CDC42BPG: variants seen among roughly 807,000 people sequenced by gnomAD.
The protein encoded by CDC42BPG is CDC42 binding protein kinase gamma.
In CDC42BPG, 157 loss-of-function variants were observed where a neutral mutation model predicts 192.2. The ratio of observed to expected loss-of-function variants is 0.82; its 90% CI spans 0.72 to 0.93. The LOEUF (loss-of-function observed/expected upper bound fraction) is 0.93, where lower values mean the gene tolerates loss of function less well. Among genes scored for constraint, CDC42BPG ranks in the 40% least tolerant of loss-of-function variants. The pLI, the probability that CDC42BPG is intolerant of heterozygous loss-of-function variation, is 0.00. For synonymous variants in CDC42BPG, 981 were observed against 918.5 expected, an observed-to-expected ratio of 1.07 and a Z score of -1.23; for missense variants, 1,992 against 2,122.1, an observed-to-expected ratio of 0.94 and a Z score of 1.20.
chr11:64,827,444 G>A, intron 32 of CDC42BPG, 46 bp from the exon 33 acceptor site: 1 of 1,604,850 alleles, frequency 6.2e-7, no homozygotes, highest in Non-Finnish European at 8.5e-7. Flanking sequence ...CATTCCCGGG[G>A]CCCAGTCAGC....
Position 64,824,503 on chromosome 11 carries a change from G to A in CDC42BPG, c.4626C>T (p.Pro1542=), listed in dbSNP as rs758088340. 4.4e-6 allele frequency: 7 copies of A among 1,608,858 alleles called. No homozygotes were observed. In the East Asian group the frequency reaches 1.6e-4, roughly 36 times the overall value. The part of the protein sequence containing the change: ...MQVSERPRSL[P]LSPELESSP Reference sequence around the variant, plus strand: ...GAGAGCTCTCCAATTCAGGGGATAGGGGGAGGCTTCGGGGCCGTTCTGAGA... The same window carrying A: ...GAGAGCTCTCCAATTCAGGGGATAGAGGGAGGCTTCGGGGCCGTTCTGAGA... The change falls in exon 37 of 37, where the codon CCC becomes CCT. Residue 1542 remains proline (P), a synonymous_variant. Transcript: ENST00000342711.
At chr11:64,841,602 C>T in intron 3 of CDC42BPG, 48 bp downstream of exon 3, 1 of 1,540,874 alleles carries the variant, frequency 6.5e-7, no homozygotes, top group Non-Finnish European at 9.0e-7. Context: ...ACACCTCCCC[C>T]ACACCCATTT....
intron 6 of CDC42BPG, 105 bp downstream of exon 6, chr11:64,839,373 C>A: frequency 6.7e-7 from 1 of 1,491,052 alleles, no homozygotes; most frequent in African/African-American, 1.4e-5. Context: ...CACCCACCTT[C>A]CCCGGGGGGC....
Position 64,831,505 on chromosome 11 carries a change from C to T in CDC42BPG, c.3304G>A (p.Asp1102Asn), listed in dbSNP as rs1349353072. The T allele has an allele frequency of 2.5e-6, 4 of 1,604,406 alleles. No individual in the cohort carries two copies. Among genetic ancestry groups the T allele is most frequent in the Middle Eastern group, 1.7e-4 (1 of 6,036 alleles). The part of the protein sequence containing the change: ...LPHTLCAAIL[D>N]QDRLALGTEE... ...CCTCCAGTCCCCTCCACCAGCTCAC[C>T]GAGGATGGCAGCGCAGAGCGTGTGA... Residue 1102 changes from aspartate to asparagine, a missense_variant and splice_region_variant, in exon 28 of 37, where the codon GAC becomes AAC. Coordinates refer to ENST00000342711, the MANE Select transcript of CDC42BPG (RefSeq NM_017525.3).
intron 34 of CDC42BPG, 57 bp from the exon 35 acceptor site, chr11:64,826,851 C>T (rs915308256): frequency 9.6e-6 from 14 of 1,458,886 alleles, no homozygotes; most frequent in African/African-American, 4.3e-5. Context: ...GGACAAGAGG[C>T]CCAAGGCACA....
intron 3 of CDC42BPG, 67 bp downstream of exon 3, chr11:64,841,583 T>G: frequency 9.4e-5 from 84 of 894,994 alleles, no homozygotes; most frequent in Middle Eastern, 3.7e-4. Flanking sequence ...CCATAGGCCC[T>G]GGCAGCATAC....
rs190463285 is a variant in CDC42BPG, at chr11:64,828,036, T to G, written c.3968-253A>C. Among the ~76,000 whole-genome samples the G allele has an allele frequency of 1.4e-4, 22 of 152,264 alleles. No individual in the cohort carries two copies. The East Asian group carries it at 3.7e-3, about 25-fold the overall frequency. On this transcript the variant is annotated intron_variant, in intron 30 of 36. Coordinates refer to ENST00000342711, the MANE Select transcript of CDC42BPG (RefSeq NM_017525.3). ...TAACAACTCTGAGCAAGTACTACTG[T>G]TATAATCCCTAATTTCCAGATGAGG...
At chr11:64,828,728 G>A (rs932590399) in intron 30 of CDC42BPG, among the ~76,000 whole-genome samples, 1 of 151,920 alleles carries the variant, frequency 6.6e-6, no homozygotes, top group African/African-American at 2.4e-5. Context: ...CCCAGCCTGC[G>A]CAATATGGCG....
In CDC42BPG at chr11:64,824,269, A is replaced by G. The variant is rs950422547; in HGVS notation, c.*204T>C. 9.3e-6 allele frequency: 6 copies of G among 646,698 alleles called. No individual in the cohort carries two copies. Among genetic ancestry groups the G allele is most frequent in the African/African-American group, 3.6e-5 (2 of 55,216 alleles). The allele number at this position is 646,698 out of a possible 1,614,324, so 40.1% of individuals were successfully genotyped here. On this transcript the variant is annotated 3_prime_UTR_variant, in exon 37 of 37. Coordinates refer to ENST00000342711, the MANE Select transcript of CDC42BPG (RefSeq NM_017525.3). The stretch of plus-strand genomic sequence containing the variant: ...GCTTAGAAAGGCTGGGGCTGGGAAC[A>G]GAGGGGTAAGGCAGGATGAGGGCTG...
intron 28 of CDC42BPG, chr11:64,830,464 G>A: frequency 1.6e-6 from 1 of 607,612 alleles, no homozygotes; most frequent in South Asian, 1.9e-5. Context: ...TTGAGCTGTG[G>A]GATTTTGGGT....
Position 64,826,689 on chromosome 11 carries a change from C to G in CDC42BPG, c.4495G>C (p.Gly1499Arg), listed in dbSNP as rs753856418. The G allele has an allele frequency of 1.3e-6, 2 of 1,557,984 alleles. No individual in the cohort carries two copies. Among genetic ancestry groups the G allele is most frequent in the Admixed American group, 3.8e-5 (2 of 52,272 alleles). ...CCCTTACTGGGGTCTGCGTCTCCAC[C>G]GAGGCCTTCGCTGCCCATGGAGGCT... ...RPASMGSEGL[G>R]GDADPMKRKP... The change falls in exon 35 of 37, where the codon GGT (glycine) becomes CGT (arginine). Residue 1499 changes from glycine (G) to arginine (R), a missense_variant. By Grantham distance (125) the Gly-to-Arg change is moderately radical (BLOSUM62 -2). This residue lies in a region of CDC42BPG where 336 missense variants were observed against 277.9 expected (regional missense o/e 1.21). Transcript: ENST00000342711.
chr11:64,836,687 C>A, intron 11 of CDC42BPG, 52 bp downstream of exon 11: 1 of 1,113,518 alleles, frequency 9.0e-7, no homozygotes. Flanking sequence ...AGGACCCGAG[C>A]CCAGGTGGGA....
chr11:64,835,042 C>G lies in CDC42BPG; in HGVS notation c.2060+5G>C, dbSNP rs775934686. 1 of 1,606,034 alleles carries G rather than the reference C, an allele frequency of 6.2e-7. No homozygotes were observed. Among genetic ancestry groups the G allele is most frequent in the Non-Finnish European group, 8.5e-7 (1 of 1,179,522 alleles). On this transcript the variant is annotated splice_donor_5th_base_variant and intron_variant, in intron 17 of 36. Coordinates refer to ENST00000342711, the MANE Select transcript of CDC42BPG (RefSeq NM_017525.3). ...TCCCCACCCCGACCCACCCCTGGCA[C>G]CCACCAGCTGAGGATGTCGGCGAGC...
chr11:64,835,494 G>T lies in CDC42BPG; in HGVS notation c.1880+6C>A. ...GCCCCTCCCTGCCACCAGCTGCCTG[G>T]CTCACCTGTGGCTGTGGGCCTGCTC... On this transcript the variant is annotated splice_donor_region_variant and intron_variant, in intron 15 of 36. Coordinates refer to ENST00000342711, the MANE Select transcript of CDC42BPG (RefSeq NM_017525.3). 1.2e-6 allele frequency: 2 copies of T among 1,604,334 alleles called. No homozygotes were observed. Among genetic ancestry groups the T allele is most frequent in the South Asian group, 2.2e-5 (2 of 90,648 alleles).
In CDC42BPG at chr11:64,839,544, C is replaced by T. The variant is rs1324641211; in HGVS notation, c.609G>A (p.Leu203=). 3.1e-6 allele frequency: 5 copies of T among 1,612,974 alleles called. No individual in the cohort carries two copies. Among genetic ancestry groups the T allele is most frequent in the South Asian group, 1.1e-5 (1 of 91,040 alleles). The change falls in exon 6 of 37, where the codon CTG becomes CTA. Residue 203 remains leucine (L), a synonymous_variant. Coordinates refer to ENST00000342711, the MANE Select transcript of CDC42BPG (RefSeq NM_017525.3). ...HRDVKPDNVL[L]DVNGHIRLAD... ...CCAGGCGAATGTGCCCGTTCACATC[C>T]AGCAGGACGTTGTCTGGCTTGACAT... is the stretch of plus-strand genomic sequence containing the variant.
rs374482803 is a variant in CDC42BPG, at chr11:64,833,894, T to A, written c.2466+31A>T. On this transcript the variant is annotated intron_variant, in intron 21 of 36. Transcript: ENST00000342711. ...GTCCCTGTGCCTCTCCCAGAACTTC[T>A]CCCCAACAAGCCCCTTGGCCTGGTC... 2.8e-5 allele frequency: 46 copies of A among 1,614,158 alleles called. No individual in the cohort carries two copies. The African/African-American group carries it at 6.0e-4, about 21-fold the overall frequency.
rs201429674 is a variant in CDC42BPG at position 64,832,495 on chromosome 11, G to A, written c.3020C>T (p.Ser1007Leu). ...QVLDLRDPQF[S>L]ATPVLASDVI... ...ATCAGAGGCCAGGACAGGGGTAGCC[G>A]AGAACTGGGGGTCCCTGGGAGGTTC... is the stretch of plus-strand genomic sequence containing the variant. The change falls in exon 27 of 37, where the codon TCG becomes TTG. Residue 1007 changes from serine to leucine, a missense_variant. By Grantham distance (145) the Ser-to-Leu change is moderately radical. Coordinates refer to ENST00000342711, the MANE Select transcript of CDC42BPG (RefSeq NM_017525.3). 66 of 1,614,080 alleles carry A rather than the reference G, an allele frequency of 4.1e-5. No individual in the cohort carries two copies. Among genetic ancestry groups the A allele is most frequent in the Non-Finnish European group, 5.2e-5 (61 of 1,179,982 alleles).
In CDC42BPG at chr11:64,841,849, C is replaced by G; in HGVS notation, c.216G>C (p.Glu72Asp). 6.2e-7 allele frequency: 1 copy of G among 1,614,020 alleles called. No homozygotes were observed. Among genetic ancestry groups the G allele is most frequent in the Non-Finnish European group, 8.5e-7 (1 of 1,180,002 alleles). ...CTCCTCGGCCGATCACCTTCAAGAT[C>G]TCAAAGTCATCTCTCTGCAGACGCA... The part of the protein sequence containing the change: ...KELRLQRDDF[E>D]ILKVIGRGAF... The change falls in exon 2 of 37, where the codon GAG becomes GAC. Residue 72 changes from glutamate (E) to aspartate (D), a missense_variant. Coordinates refer to ENST00000342711, the MANE Select transcript of CDC42BPG (RefSeq NM_017525.3).
rs762872656 is a variant in CDC42BPG, at chr11:64,827,287, T to G, written c.4262A>C (p.Gln1421Pro). 1.2e-6 allele frequency: 2 copies of G among 1,613,882 alleles called. No homozygotes were observed. Among genetic ancestry groups the G allele is most frequent in the African/African-American group, 2.7e-5 (2 of 75,066 alleles). ...CGTCGTGCACGCGCACCTGCGCTGC[T>G]GCTTCTGCTGCTCCTCCGACACGCG... ...FFRVSEEQQK[Q>P]QRREMLKDPF... is the part of the protein sequence containing the mutation. The change falls in exon 33 of 37, where the codon CAG becomes CCG. Residue 1421 changes from glutamine to proline, a missense_variant. Around this residue, in one of 2 missense-constraint regions of CDC42BPG, gnomAD observed 336 missense variants for 277.9 expected, o/e 1.21. Coordinates refer to ENST00000342711, the MANE Select transcript of CDC42BPG (RefSeq NM_017525.3).
Sources: gnomAD v4.1 joint callset for allele counts (sites outside exome capture counted in the v4.1 genomes callset) on GRCh38, gnomAD v4.1.1 for gene constraint, gnomAD v4.1.1 regional missense constraint, MANE v1.5 for transcripts, NCBI Gene and HGNC (gene_info 2026-07-23, HGNC 2026-07-21) for gene names.